RAB3C: variants seen among roughly 807,000 people sequenced by gnomAD.
RAB3C encodes ras-related protein Rab-3C.
In RAB3C, 17 loss-of-function variants were observed where a neutral mutation model predicts 26.4. The observed-to-expected ratio is 0.64, with a 90% CI of 0.44 to 0.97. RAB3C has a LOEUF of 0.97. Ranked by LOEUF, RAB3C falls within the 50% of genes least tolerant of loss-of-function variation. The probability of loss-of-function intolerance (pLI) is 0.00; values close to 1 mark genes in which losing one functional copy is unlikely to be tolerated. For missense variants in RAB3C, 242 were observed against 281.9 expected (o/e 0.86, Z 1.01); for synonymous variants, 91 against 95.9 (o/e 0.95, Z 0.30).
At chr5:58,627,825 T>C (rs948042888) in intron 2 of RAB3C, among the ~76,000 whole-genome samples, 5 of 152,164 alleles carry the variant, frequency 3.3e-5, no homozygotes, top group African/African-American at 1.2e-4. Context: ...CATCTTGTTT[T>C]ACTATCTCTG....
chr5:58,587,327 C>G (rs140334009), intron 1 of RAB3C, among the ~76,000 whole-genome samples: 1 of 152,060 alleles, frequency 6.6e-6, no homozygotes, highest in Non-Finnish European at 1.5e-5. Context: ...ACTACTCTTG[C>G]CCACTCAACT....
intron 1 of RAB3C, among the ~76,000 whole-genome samples, chr5:58,591,202 G>A (rs938482729): frequency 2.6e-5 from 4 of 152,206 alleles, no homozygotes; most frequent in African/African-American, 7.2e-5. Flanking sequence ...GTGTGCTTGT[G>A]TGTGCTGTAG....
At position 58,857,876 on chromosome 5, in the gene RAB3C, A is replaced by G. The variant is rs1476301594; in HGVS notation, c.*6525A>G. 6.6e-6 allele frequency: 1 copy of G among 152,206 alleles called. No individual in the cohort carries two copies. The highest frequency in any genetic ancestry group is 1.5e-5 in the Non-Finnish European group (1 of 68,026). 9.4% of individuals were successfully genotyped at this position (152,206 alleles called of 1,614,324 possible). A position where few individuals can be genotyped will look rare whatever the true frequency, so the allele number is the denominator to read the frequency against. ...TCAAGAACTGAAGCCTAGTTGCTAG[A>G]TAACGAAAAGCTATAAATGTTTATG... On this transcript the variant is annotated 3_prime_UTR_variant, in exon 5 of 5. Transcript: ENST00000282878.
intron 3 of RAB3C, among the ~76,000 whole-genome samples, chr5:58,728,036 A>C (rs1249593155): frequency 6.6e-6 from 1 of 151,908 alleles, no homozygotes; most frequent in East Asian, 1.9e-4. Context: ...TCTGCTTTGC[A>C]TGTCTCTTTC....
chr5:58,769,971 C>A (rs552059974), intron 3 of RAB3C, among the ~76,000 whole-genome samples: 11 of 152,190 alleles, frequency 7.2e-5, no homozygotes, highest in African/African-American at 2.6e-4. Flanking sequence ...AAGTGTAGTC[C>A]AGACAATGGT....
At chr5:58,595,771 G>A (rs1336619102) in intron 1 of RAB3C, among the ~76,000 whole-genome samples, 1 of 152,044 alleles carries the variant, frequency 6.6e-6, no homozygotes, top group African/African-American at 2.4e-5. Flanking sequence ...GAGAGAACAG[G>A]TATTTGAAAA....
intron 2 of RAB3C, among the ~76,000 whole-genome samples, chr5:58,717,313 G>C (rs1190778414): frequency 6.6e-6 from 1 of 152,076 alleles, no homozygotes; most frequent in Non-Finnish European, 1.5e-5. Context: ...TCTTTTTGTA[G>C]CTCTTGCTGT....
chr5:58,768,757 CAGTA>C lies in RAB3C; in HGVS notation c.371+42644_371+42647del, dbSNP rs142772710. Among the ~76,000 whole-genome samples the C allele has an allele frequency of 4.7e-3, 711 of 152,018 alleles. 11 individuals carry two copies. The highest frequency in any genetic ancestry group is 0.016 in the African/African-American group (668 of 41,476). ...CAAAAAGGCCAGAGTGGCTGGAACA[CAGTA>C]AGTAAGGGTGTAAATGTCAGAGGTA... On this transcript the variant is annotated intron_variant, in intron 3 of 4. Coordinates refer to ENST00000282878, the MANE Select transcript of RAB3C (RefSeq NM_138453.4).
chr5:58,596,326 G>A (rs529529841), intron 1 of RAB3C, among the ~76,000 whole-genome samples: 1 of 151,498 alleles, frequency 6.6e-6, no homozygotes, highest in Admixed American at 6.7e-5. Flanking sequence ...TTCACTTTCA[G>A]ATTCCAAACT....
intron 3 of RAB3C, among the ~76,000 whole-genome samples, chr5:58,800,042 C>A (rs895855453): frequency 2.0e-5 from 3 of 152,176 alleles, no homozygotes; most frequent in Non-Finnish European, 2.9e-5. Context: ...CTTACAGTAT[C>A]CATCTTAGGT....
chr5:58,724,124 T>C (rs566123926), intron 2 of RAB3C, among the ~76,000 whole-genome samples: 1 of 151,952 alleles, frequency 6.6e-6, no homozygotes, highest in Admixed American at 6.6e-5. Flanking sequence ...CTTCTGTACT[T>C]GTAAGCTGCT....
At chr5:58,647,497 C>T (rs1747546837) in intron 2 of RAB3C, 1 of 152,152 alleles carries the variant, frequency 6.6e-6, no homozygotes, top group African/African-American at 2.4e-5. Flanking sequence ...ACTGGGCCCC[C>T]CTCGACACGT....
chr5:58,627,445 C>T (rs1331430379), intron 2 of RAB3C, among the ~76,000 whole-genome samples: 3 of 77,390 alleles, frequency 3.9e-5, no homozygotes, highest in African/African-American at 5.5e-5. Flanking sequence ...GCAGTCCGGC[C>T]TGGGCGACAG....
chr5:58,710,078 G>A (rs1393123548), intron 2 of RAB3C, among the ~76,000 whole-genome samples: 1 of 152,098 alleles, frequency 6.6e-6, no homozygotes, highest in African/African-American at 2.4e-5. Flanking sequence ...CAGACAAATA[G>A]GCTTAATATT....
At chr5:58,657,147 C>T (rs1747793145) in intron 2 of RAB3C, among the ~76,000 whole-genome samples, 1 of 152,068 alleles carries the variant, frequency 6.6e-6, no homozygotes, top group South Asian at 2.1e-4. Flanking sequence ...GAAAACCAAA[C>T]ATTGTATGTT....
chr5:58,613,269 A>G (rs1746753031), intron 1 of RAB3C, among the ~76,000 whole-genome samples: 1 of 152,150 alleles, frequency 6.6e-6, no homozygotes, highest in African/African-American at 2.4e-5. Flanking sequence ...GTGGCTTTCC[A>G]AGACACCAAC....
At chr5:58,660,826 G>T (rs2111805933) in intron 2 of RAB3C, among the ~76,000 whole-genome samples, 1 of 150,238 alleles carries the variant, frequency 6.7e-6, no homozygotes, top group South Asian at 2.1e-4. Context: ...AGAGAGCATG[G>T]AGAGGGCGCA....
chr5:58,805,478 A>AG (rs1491242779), intron 3 of RAB3C, among the ~76,000 whole-genome samples: 1 of 151,100 alleles, frequency 6.6e-6, no homozygotes, highest in Non-Finnish European at 1.5e-5. Flanking sequence ...CCATCTACAC[A>AG]GGGGGCTGAA....
chr5:58,627,637 G>A (rs1747088181), intron 2 of RAB3C, among the ~76,000 whole-genome samples: 1 of 152,042 alleles, frequency 6.6e-6, no homozygotes, highest in South Asian at 2.1e-4. Context: ...TTCAGTAGTA[G>A]GCATATTCTT....
Sources: allele counts gnomAD v4.1 joint callset (sites outside exome capture counted in the v4.1 genomes callset), GRCh38; gene constraint gnomAD v4.1.1; transcripts MANE v1.5; gene names NCBI Gene and HGNC (gene_info 2026-07-23, HGNC 2026-07-21).